Variants in CACNB4 observed in about 807,000 individuals in gnomAD.
The protein encoded by CACNB4 is voltage-dependent L-type calcium channel subunit beta-4.
A neutral mutation model predicts 71.2 loss-of-function variants in CACNB4; 32 were observed. The observed-to-expected ratio is 0.45, with a 90% CI of 0.34 to 0.60. The LOEUF is 0.60. CACNB4 is among the 20% of genes least tolerant of loss of function. The pLI is 0.01. For missense variants in CACNB4, 464 were observed against 647.9 expected (o/e 0.72, Z 3.08); for synonymous variants, 231 against 236.9 (o/e 0.97, Z 0.23).
intron 2 of CACNB4, among the ~76,000 whole-genome samples, chr2:152,070,924 C>T (rs1006888059): frequency 6.6e-6 from 1 of 152,172 alleles, no homozygotes; most frequent in African/African-American, 2.4e-5. Context: ...CACACCATCA[C>T]ACCCGGCTAA....
At chr2:151,859,286 G>A (rs1477662142) in intron 10 of CACNB4, 1 of 152,186 alleles carries the variant, frequency 6.6e-6, no homozygotes, top group Non-Finnish European at 1.5e-5. Flanking sequence ...GGATTGTAAG[G>A]AATGACTTCA....
At chr2:151,842,216 A>C in intron 12 of CACNB4, 128 bp from the exon 13 acceptor site, 2 of 640,234 alleles carry the variant, frequency 3.1e-6, no homozygotes, top group Non-Finnish European at 2.7e-6. Context: ...GAGGTGCTAT[A>C]TGGGCAGTTT....
chr2:151,929,880 G>T (rs530361759), intron 2 of CACNB4, among the ~76,000 whole-genome samples: 11 of 151,892 alleles, frequency 7.2e-5, no homozygotes, highest in Non-Finnish European at 1.2e-4. Context: ...TTGAATAGAA[G>T]GTCATGCTTT....
rs2099846296 is a variant in CACNB4, at chr2:151,876,548, G to A, written c.399C>T (p.Asn133=). Reference sequence around the variant, plus strand: ...CCAGCCTTCCTATCCACCAATCATTGTTATATTTCTGGAATTCAGAAATAA... The same window carrying A: ...CCAGCCTTCCTATCCACCAATCATTATTATATTTCTGGAATTCAGAAATAA... ...KDFLHIKEKY[N]NDWWIGRLVK... Residue 133 remains asparagine (N), a synonymous_variant, in exon 5 of 14, where the codon AAC becomes AAT. Transcript: ENST00000539935. 3.2e-6 allele frequency: 5 copies of A among 1,585,628 alleles called. No individual in the cohort carries two copies. Among genetic ancestry groups the A allele is most frequent in the Middle Eastern group, 3.4e-4 (2 of 5,968 alleles).
intron 2 of CACNB4, among the ~76,000 whole-genome samples, chr2:152,051,010 C>T (rs2105290873): frequency 6.6e-6 from 1 of 152,152 alleles, no homozygotes; most frequent in Admixed American, 6.5e-5. Context: ...CTTAAGTGAT[C>T]TGCGCACCTC....
At chr2:152,019,843 A>T (rs1460489313) in intron 2 of CACNB4, among the ~76,000 whole-genome samples, 3 of 152,196 alleles carry the variant, frequency 2.0e-5, no homozygotes, top group Non-Finnish European at 4.4e-5. Flanking sequence ...GGAAATGTCA[A>T]ACAACTCACA....
intron 2 of CACNB4, among the ~76,000 whole-genome samples, chr2:152,038,789 C>T (rs190695888): frequency 5.5e-4 from 83 of 152,266 alleles, no homozygotes; most frequent in Admixed American, 4.1e-3. Context: ...TGCTAGGACA[C>T]GTTAGTGGTG....
intron 2 of CACNB4, among the ~76,000 whole-genome samples, chr2:152,021,212 G>A (rs1048860095): frequency 4.6e-5 from 7 of 152,178 alleles, no homozygotes; most frequent in East Asian, 3.9e-4. Flanking sequence ...GCATCACTGC[G>A]CTCCAGCCTG....
intron 2 of CACNB4, among the ~76,000 whole-genome samples, chr2:152,024,747 T>C (rs1393168987): frequency 6.6e-6 from 1 of 152,170 alleles, no homozygotes; most frequent in Non-Finnish European, 1.5e-5. Context: ...ATGGTGGGCA[T>C]CACACATTTA....
intron 2 of CACNB4, among the ~76,000 whole-genome samples, chr2:152,013,932 T>C (rs1361391291): frequency 6.6e-6 from 1 of 152,242 alleles, no homozygotes; most frequent in Non-Finnish European, 1.5e-5. Flanking sequence ...CAGTTCCATC[T>C]GTTCTGCAGG....
chr2:152,093,157 A>C (rs1332302794), intron 2 of CACNB4, among the ~76,000 whole-genome samples: 3 of 152,120 alleles, frequency 2.0e-5, no homozygotes, highest in Non-Finnish European at 4.4e-5. Flanking sequence ...TTCTCTGCTC[A>C]GTGTGATGTT....
At chr2:151,983,835 A>G (rs1436184923) in intron 2 of CACNB4, among the ~76,000 whole-genome samples, 1 of 152,200 alleles carries the variant, frequency 6.6e-6, no homozygotes, top group Non-Finnish European at 1.5e-5. Context: ...GCAGCCATGT[A>G]TCTCACGGCA....
chr2:151,845,049 C>T (rs1458546358), intron 12 of CACNB4, among the ~76,000 whole-genome samples: 1 of 152,188 alleles, frequency 6.6e-6, no homozygotes, highest in African/African-American at 2.4e-5. Context: ...GGGTAAGCAG[C>T]ACCTATGGCA....
At chr2:151,959,968 T>A (rs1298129154) in intron 2 of CACNB4, among the ~76,000 whole-genome samples, 1 of 152,222 alleles carries the variant, frequency 6.6e-6, no homozygotes, top group African/African-American at 2.4e-5. Context: ...AACAGTGTAC[T>A]TCAGTTACAA....
At chr2:151,891,400 C>G (rs557353158) in intron 2 of CACNB4, among the ~76,000 whole-genome samples, 1 of 152,264 alleles carries the variant, frequency 6.6e-6, no homozygotes, top group Non-Finnish European at 1.5e-5. Flanking sequence ...GAGCTACAAG[C>G]AGATTTGCAA....
At chr2:152,054,257 A>G (rs377050946) in intron 2 of CACNB4, among the ~76,000 whole-genome samples, 1 of 151,150 alleles carries the variant, frequency 6.6e-6, no homozygotes, top group Non-Finnish European at 1.5e-5. Context: ...TCCCAGCTAC[A>G]CGGGAGGCTG....
At chr2:152,082,230 C>A (rs1687396332) in intron 2 of CACNB4, among the ~76,000 whole-genome samples, 1 of 152,182 alleles carries the variant, frequency 6.6e-6, no homozygotes, top group Non-Finnish European at 1.5e-5. Context: ...TTATAAATTC[C>A]AGCTCTATCC....
intron 2 of CACNB4, among the ~76,000 whole-genome samples, chr2:152,053,498 T>C (rs895483362): frequency 1.3e-5 from 2 of 151,298 alleles, no homozygotes; most frequent in Admixed American, 6.6e-5. Flanking sequence ...AGTGTTTCCC[T>C]GGGTTCTGTG....
intron 9 of CACNB4, among the ~76,000 whole-genome samples, chr2:151,861,985 C>T (rs1259777122): frequency 6.6e-6 from 1 of 152,134 alleles, no homozygotes; most frequent in Admixed American, 6.5e-5. Context: ...GCTCAACTTC[C>T]AATTATCTAC....
Sources: gnomAD v4.1 joint callset for allele counts (sites outside exome capture counted in the v4.1 genomes callset) on GRCh38, gnomAD v4.1.1 for gene constraint, MANE v1.5 for transcripts, NCBI Gene and HGNC (gene_info 2026-07-23, HGNC 2026-07-21) for gene names.